Variants in TYK2 observed in about 807,000 individuals in gnomAD.
TYK2 encodes the protein tyrosine kinase 2, also known as non-receptor tyrosine-protein kinase TYK2.
Under a neutral mutation model 130.9 loss-of-function variants are expected in TYK2, and 65 were observed. That is an observed-to-expected ratio of 0.50 (90% CI 0.41 to 0.61). The LOEUF is 0.61. Among genes scored for constraint, TYK2 ranks in the 20% least tolerant of loss-of-function variants. The pLI, the probability that TYK2 is intolerant of heterozygous loss-of-function variation, is 0.00. For synonymous variants in TYK2, 647 were observed against 658.9 expected (o/e 0.98, Z 0.28); for missense variants, 1,378 against 1,610.7 (o/e 0.86, Z 2.47).
Position 10,357,850 on chromosome 19 carries a change from C to T in TYK2, c.2380G>A (p.Ala794Thr), listed in dbSNP as rs748433361. 6.8e-6 allele frequency: 11 copies of T among 1,613,622 alleles called. No homozygotes were observed. The highest frequency in any genetic ancestry group is 8.5e-6 in the Non-Finnish European group (10 of 1,180,016). ...GCGCCAAACCCCCACTTGTCCATGG[C>T]GGTGCTTAGGCTGTTGGCCCCACCT... Reference protein sequence around the residue: ...LPGGANSLSTAMDKWGFGATL... With the variant: ...LPGGANSLSTTMDKWGFGATL... Residue 794 changes from alanine to threonine, a missense_variant, in exon 17 of 25, where the codon GCC becomes ACC. Ala to Thr is a moderately conservative substitution (Grantham distance 58). Transcript: ENST00000525621.
At chr19:10,375,654 C>G (rs1431650047) in intron 3 of TYK2, among the ~76,000 whole-genome samples, 1 of 151,484 alleles carries the variant, frequency 6.6e-6, no homozygotes, top group African/African-American at 2.4e-5. Context: ...TGGTGGCTCA[C>G]ACCTGTAATC....
intron 3 of TYK2, among the ~76,000 whole-genome samples, chr19:10,374,159 G>A (rs563139883): frequency 2.6e-5 from 4 of 151,652 alleles, no homozygotes; most frequent in South Asian, 4.2e-4. Context: ...CCAGCTCCTC[G>A]GGAGGCTGAG....
Position 10,368,656 on chromosome 19 carries a change from C to T in TYK2, c.194-238G>A, listed in dbSNP as rs376818815. ...AGCTAGGATGGAGCCAATTGCACTGCTGGTTTCTGGCCAAAGGGCTGGGTA... is the reference window on the plus strand; with the variant it reads ...AGCTAGGATGGAGCCAATTGCACTGTTGGTTTCTGGCCAAAGGGCTGGGTA... On this transcript the variant is annotated intron_variant, in intron 3 of 24. Coordinates refer to ENST00000525621, the MANE Select transcript of TYK2 (RefSeq NM_003331.5). The T allele has an allele frequency of 2.3e-3, 1,195 of 522,366 alleles. 4 individuals are homozygous for T. The highest frequency in any genetic ancestry group is 3.6e-3 in the Non-Finnish European group (1,052 of 290,470). The allele number at this position is 522,366 out of a possible 1,614,324, so 32.4% of individuals were successfully genotyped here.
chr19:10,361,332 C>A lies in TYK2; in HGVS notation c.2047+179G>T. Reference sequence around the variant, plus strand: ...GGATGTAAGTTATGGGCTGGAATATCGTTAGGGGTTGGGGTCTAGGTTGAA... The same window carrying A: ...GGATGTAAGTTATGGGCTGGAATATAGTTAGGGGTTGGGGTCTAGGTTGAA... On this transcript the variant is annotated intron_variant, in intron 14 of 24. Transcript: ENST00000525621. The surrounding 1 kb of genome is among the most constrained non-coding windows in gnomAD (Gnocchi z 4.0). The A allele has an allele frequency of 1.5e-6, 1 of 668,174 alleles. No homozygotes were observed. Among genetic ancestry groups the A allele is most frequent in the Non-Finnish European group, 2.7e-6 (1 of 374,134 alleles). 41.4% of individuals were successfully genotyped at this position (668,174 alleles called of 1,614,324 possible).
intron 3 of TYK2, among the ~76,000 whole-genome samples, chr19:10,370,047 C>T (rs1350097079): frequency 6.8e-6 from 1 of 148,106 alleles, no homozygotes; most frequent in Non-Finnish European, 1.5e-5. Flanking sequence ...CTGTCTCAAA[C>T]AACACAACAA....
rs1245905985 is a variant in TYK2, at chr19:10,378,010, ATGGGTGGATGGATGGGTGGG to A, written c.193+184_193+203del. On this transcript the variant is annotated intron_variant, in intron 3 of 24. Transcript: ENST00000525621. The stretch of plus-strand genomic sequence containing the variant: ...GGTGGATGGGAGGATGGATGGATGC[ATGGGTGGATGGATGGGTGGG>A]TGGGTGGATGGATGGGTGGTTGGGA... Among the ~76,000 whole-genome samples the A allele has an allele frequency of 9.1e-3, 838 of 92,368 alleles. 8 individuals carry two copies. Among genetic ancestry groups the A allele is most frequent in the Middle Eastern group, 0.013 (2 of 160 alleles). The allele number at this position is 92,368 out of a possible 152,430, so 60.6% of individuals were successfully genotyped here.
At chr19:10,378,454 C>A in intron 2 of TYK2, 28 bp from the exon 3 acceptor site, 1 of 1,578,400 alleles carries the variant, frequency 6.3e-7, no homozygotes, top group East Asian at 2.2e-5. Flanking sequence ...TGTCAGCTCC[C>A]AAGTCTCAGC....
chr19:10,363,434 C>G (rs2041506784), intron 9 of TYK2, among the ~76,000 whole-genome samples: 2 of 152,156 alleles, frequency 1.3e-5, no homozygotes, highest in Admixed American at 1.3e-4. Context: ...CCCACCTCGG[C>G]CTCCTAAAGC....
intron 17 of TYK2, chr19:10,357,534 A>G (rs761781471): frequency 1.4e-6 from 1 of 724,506 alleles, no homozygotes; most frequent in South Asian, 1.5e-5. Flanking sequence ...CCTAAAACTG[A>G]AATCAAGTCT....
Position 10,357,852 on chromosome 19 carries a change from G to T in TYK2, c.2378C>A (p.Thr793Asn). Residue 793 changes from threonine (T) to asparagine (N), a missense_variant, in exon 17 of 25, where the codon ACC (threonine) becomes AAC (asparagine). By Grantham distance (65) the Thr-to-Asn change is moderately conservative. Coordinates refer to ENST00000525621, the MANE Select transcript of TYK2 (RefSeq NM_003331.5). The part of the protein sequence containing the change: ...CLPGGANSLS[T>N]AMDKWGFGAT... ...GCCAAACCCCCACTTGTCCATGGCG[G>T]TGCTTAGGCTGTTGGCCCCACCTGG... 6.2e-7 allele frequency: 1 copy of T among 1,613,628 alleles called. No homozygotes were observed.
chr19:10,370,188 C>T (rs2041853724), intron 3 of TYK2, among the ~76,000 whole-genome samples: 1 of 151,442 alleles, frequency 6.6e-6, no homozygotes, highest in African/African-American at 2.4e-5. Flanking sequence ...ATGGTGAAAT[C>T]CCATCTCTAT....
Position 10,350,940 on chromosome 19 carries a change from T to G in TYK2, c.3458A>C (p.Glu1153Ala). ...GGTTGGGCGAAAGGACGCCTCTGTCTCCCAGCAGTTCTTCATGAGATGATA... is the reference window on the plus strand; with the variant it reads ...GGTTGGGCGAAAGGACGCCTCTGTCGCCCAGCAGTTCTTCATGAGATGATA... ...EVYHLMKNCW[E>A]TEASFRPTFE... Residue 1153 changes from glutamate to alanine, a missense_variant, in exon 25 of 25, where the codon GAG becomes GCG. Transcript: ENST00000525621. 1 of 1,614,144 alleles carries G rather than the reference T, an allele frequency of 6.2e-7. No individual in the cohort carries two copies. Among genetic ancestry groups the G allele is most frequent in the Non-Finnish European group, 8.5e-7 (1 of 1,180,002 alleles).
intron 14 of TYK2, 94 bp from the exon 15 acceptor site, chr19:10,359,396 T>C: frequency 2.0e-6 from 3 of 1,493,710 alleles, no homozygotes; most frequent in Non-Finnish European, 1.8e-6. Flanking sequence ...ACTTGGCATG[T>C]GGCTGGGGAG....
rs116783296 is a variant in TYK2 at position 10,359,358 on chromosome 19, G to A, written c.2048-56C>T. 987 of 1,589,774 alleles carry A rather than the reference G, an allele frequency of 6.2e-4. 4 individuals carry two copies. In the African/African-American group the frequency reaches 0.011, roughly 18 times the overall value. On this transcript the variant is annotated intron_variant, in intron 14 of 24. Coordinates refer to ENST00000525621, the MANE Select transcript of TYK2 (RefSeq NM_003331.5). Reference sequence around the variant, plus strand: ...TGCCTGCTTCTGCCCTCTGGATGGCGGGGAATTGGGGGAGACGCCAGGGAG... The same window carrying A: ...TGCCTGCTTCTGCCCTCTGGATGGCAGGGAATTGGGGGAGACGCCAGGGAG...
At chr19:10,360,811 G>A (rs1298471225) in intron 14 of TYK2, among the ~76,000 whole-genome samples, 1 of 151,994 alleles carries the variant, frequency 6.6e-6, no homozygotes, top group African/African-American at 2.4e-5. Flanking sequence ...GGAGTGCAGT[G>A]GTACAATCAT....
intron 3 of TYK2, among the ~76,000 whole-genome samples, chr19:10,372,485 T>TATATATATATA (rs59201811): frequency 1.8e-4 from 7 of 39,458 alleles, no homozygotes; most frequent in African/African-American, 3.3e-4. Context: ...TATATATATA[T>TATATATATATA]TTTTTTTTTT....
In TYK2 at chr19:10,353,687, G is replaced by A. The variant is rs2040931977; in HGVS notation, c.2909-41C>T. The A allele has an allele frequency of 7.0e-7, 1 of 1,421,536 alleles. No individual in the cohort carries two copies. The highest frequency in any genetic ancestry group is 9.4e-7 in the Non-Finnish European group (1 of 1,069,188). 88.1% of individuals were successfully genotyped at this position (1,421,536 alleles called of 1,614,324 possible). On this transcript the variant is annotated intron_variant, in intron 20 of 24. Transcript: ENST00000525621. This position sits in a 1 kb window ranked among gnomAD's most constrained non-coding sequence, Gnocchi z 6.9. ...GCGGCCCCGGTGGGGGACGATAGAG[G>A]GCGGGCCGGGGACCGCCTACCTTGA... is the stretch of plus-strand genomic sequence containing the variant.
chr19:10,366,676 G>T, intron 5 of TYK2, 96 bp from the exon 6 acceptor site: 1 of 1,337,628 alleles, frequency 7.5e-7, no homozygotes, highest in South Asian at 1.2e-5. Flanking sequence ...GACCACACTG[G>T]AAGAAGTGTC....
Position 10,374,663 on chromosome 19 carries a change from G to A in TYK2, c.193+3551C>T, listed in dbSNP as rs2042049283. On this transcript the variant is annotated intron_variant, in intron 3 of 24. Transcript: ENST00000525621. ...AGCACTTTGAGAGGCCGAGGCAGGG[G>A]GAACAGCATGCATGTTCAAGACCAG... Among the ~76,000 whole-genome samples, 4 of 149,420 alleles carry A rather than the reference G, an allele frequency of 2.7e-5. No individual in the cohort carries two copies. In the South Asian group the frequency reaches 8.5e-4, roughly 32 times the overall value.
Sources: allele counts gnomAD v4.1 joint callset (sites outside exome capture counted in the v4.1 genomes callset), GRCh38; gene constraint gnomAD v4.1.1; non-coding constraint Gnocchi (gnomAD v3.1); transcripts MANE v1.5; gene names NCBI Gene and HGNC (gene_info 2026-07-23, HGNC 2026-07-21).